The following AGBL4 variants were observed in gnomAD, a reference collection of about 807,000 sequenced individuals.
The protein encoded by AGBL4 is cytosolic carboxypeptidase 6.
In AGBL4, 58 loss-of-function variants were observed where a neutral mutation model predicts 66.4. That is an observed-to-expected ratio of 0.87 (90% confidence interval 0.71 to 1.09). AGBL4 has a LOEUF of 1.09. Ranked by LOEUF, AGBL4 falls within the 50% of genes least tolerant of loss-of-function variation. AGBL4 has a pLI of 0.00. For synonymous variants in AGBL4, 234 were observed against 222.9 expected (o/e 1.05, Z -0.44); for missense variants, 579 against 631.0 (o/e 0.92, Z 0.88).
At chr1:49,673,899 G>A (rs1646529786) in intron 3 of AGBL4, among the ~76,000 whole-genome samples, 1 of 152,104 alleles carries the variant, frequency 6.6e-6, no homozygotes, top group Admixed American at 6.6e-5. Context: ...AGAGGAAAGT[G>A]CATAGAGGGC....
chr1:48,696,538 A>AT (rs1646716368), intron 6 of AGBL4, among the ~76,000 whole-genome samples: 1 of 152,146 alleles, frequency 6.6e-6, no homozygotes, highest in South Asian at 2.1e-4. Flanking sequence ...GGGGCCTTAG[A>AT]TTCCTTGCCT....
chr1:49,926,538 A>G (rs1392789940), intron 1 of AGBL4, among the ~76,000 whole-genome samples: 3 of 152,218 alleles, frequency 2.0e-5, no homozygotes. Context: ...GACCTCATCA[A>G]ATGAAAGTGA....
intron 5 of AGBL4, among the ~76,000 whole-genome samples, chr1:48,939,553 T>A (rs998970431): frequency 2.6e-5 from 4 of 152,182 alleles, no homozygotes; most frequent in Admixed American, 2.0e-4. Flanking sequence ...GCTCTGTAAG[T>A]ATTAGGCTGG....
At chr1:49,475,510 G>A (rs1045333281) in intron 3 of AGBL4, among the ~76,000 whole-genome samples, 4 of 151,994 alleles carry the variant, frequency 2.6e-5, no homozygotes, top group Admixed American at 2.6e-4. Context: ...ATTGATAGCA[G>A]TTCTTCTTTG....
chr1:48,860,632 T>A (rs1647383870), intron 6 of AGBL4, among the ~76,000 whole-genome samples: 1 of 152,168 alleles, frequency 6.6e-6, no homozygotes, highest in South Asian at 2.1e-4. Flanking sequence ...ATTGTAGGTA[T>A]AGAGAGGTGA....
At chr1:49,252,345 G>A (rs749453974) in intron 3 of AGBL4, among the ~76,000 whole-genome samples, 44 of 151,704 alleles carry the variant, frequency 2.9e-4, no homozygotes, top group East Asian at 1.2e-3. Flanking sequence ...TAAGACAGGC[G>A]GACAAGAATA....
chr1:49,478,232 G>C (rs1275285111), intron 3 of AGBL4, among the ~76,000 whole-genome samples: 1 of 151,470 alleles, frequency 6.6e-6, no homozygotes, highest in African/African-American at 2.4e-5. Context: ...ATACCAAGCA[G>C]GTTTGACCAA....
At chr1:48,610,784 TCC>T (rs1645226137) in intron 9 of AGBL4, among the ~76,000 whole-genome samples, 1 of 152,128 alleles carries the variant, frequency 6.6e-6, no homozygotes, top group Non-Finnish European at 1.5e-5. Flanking sequence ...TCCTGCACTC[TCC>T]CTCTTCCCAC....
At chr1:49,629,049 C>CCA (rs769621628) in intron 3 of AGBL4, among the ~76,000 whole-genome samples, 37 of 152,256 alleles carry the variant, frequency 2.4e-4, no homozygotes, top group Admixed American at 3.9e-4. Context: ...GTAGAGACCA[C>CCA]CACCCTGCAT....
chr1:49,437,090 C>T (rs1431128147), intron 3 of AGBL4, among the ~76,000 whole-genome samples: 2 of 152,126 alleles, frequency 1.3e-5, no homozygotes, highest in African/African-American at 4.8e-5. Context: ...GGTTGGGTAT[C>T]AGAGTCTGAG....
At chr1:49,316,950 T>C (rs1645049498) in intron 3 of AGBL4, among the ~76,000 whole-genome samples, 1 of 151,926 alleles carries the variant, frequency 6.6e-6, no homozygotes, top group Admixed American at 6.6e-5. Context: ...AATTTAAGGA[T>C]ATATTGCCAA....
rs76162004 is a variant in AGBL4, at chr1:49,234,000, G to A, written c.377+11770C>T. ...GGGCTGTTTCTACATTTTCCCATCT[G>A]GCTGGCTAGAATAGAGATGATGCCC... On this transcript the variant is annotated intron_variant, in intron 4 of 13. Coordinates refer to ENST00000371839, the MANE Select transcript of AGBL4 (RefSeq NM_032785.4). Among the ~76,000 whole-genome samples the A allele has an allele frequency of 5.1e-3, 778 of 152,258 alleles. 3 individuals are homozygous for A. Among genetic ancestry groups the A allele is most frequent in the Non-Finnish European group, 9.1e-3 (619 of 68,024 alleles).
At chr1:49,083,332 G>T (rs899319202) in intron 4 of AGBL4, among the ~76,000 whole-genome samples, 1 of 152,228 alleles carries the variant, frequency 6.6e-6, no homozygotes, top group Admixed American at 6.5e-5. Flanking sequence ...TCCTGCCCCT[G>T]CAGAAAACTT....
intron 1 of AGBL4, among the ~76,000 whole-genome samples, chr1:49,934,926 G>A (rs962521601): frequency 3.9e-5 from 6 of 152,184 alleles, no homozygotes; most frequent in African/African-American, 1.4e-4. Flanking sequence ...GGCGATTTCC[G>A]CATTTCCATC....
intron 1 of AGBL4, among the ~76,000 whole-genome samples, chr1:49,926,005 G>A (rs1652731643): frequency 6.6e-6 from 1 of 152,226 alleles, no homozygotes; most frequent in Non-Finnish European, 1.5e-5. Context: ...CCTGCTGACT[G>A]TACAGCCCCC....
intron 6 of AGBL4, chr1:48,759,428 A>G: frequency 7.5e-7 from 1 of 1,339,212 alleles, no homozygotes; most frequent in Non-Finnish European, 9.8e-7. Context: ...ACTTAGTCAA[A>G]GCCCTTCATT....
intron 7 of AGBL4, among the ~76,000 whole-genome samples, chr1:48,657,839 A>G (rs1044204737): frequency 6.6e-6 from 1 of 152,208 alleles, no homozygotes; most frequent in Non-Finnish European, 1.5e-5. Context: ...GAAAAATAAG[A>G]AAGTTACATT....
chr1:48,614,790 C>T (rs551094110), intron 9 of AGBL4, among the ~76,000 whole-genome samples: 1 of 152,080 alleles, frequency 6.6e-6, no homozygotes, highest in African/African-American at 2.4e-5. Context: ...GACATACAAA[C>T]AAAGTATGGG....
intron 1 of AGBL4, among the ~76,000 whole-genome samples, chr1:49,936,610 G>A: frequency 6.6e-6 from 1 of 152,172 alleles, no homozygotes; most frequent in East Asian, 1.9e-4. Context: ...ACCCACAAAG[G>A]GAAGCCCATC....
Sources: allele counts gnomAD v4.1 joint callset (sites outside exome capture counted in the v4.1 genomes callset), GRCh38; gene constraint gnomAD v4.1.1; transcripts MANE v1.5; gene names NCBI Gene and HGNC (gene_info 2026-07-23, HGNC 2026-07-21).